The following ELFN1 variants were observed in gnomAD, a reference collection of about 807,000 sequenced individuals.
ELFN1 encodes the protein extracellular leucine rich repeat and fibronectin type III domain containing 1, also known as protein ELFN1.
A neutral mutation model predicts 7.6 loss-of-function variants in ELFN1; 6 were observed. The ratio of observed to expected loss-of-function variants is 0.79; its 90% confidence interval spans 0.43 to 1.56. The LOEUF (loss-of-function observed/expected upper bound fraction) is 1.56, where lower values mean the gene tolerates loss of function less well. ELFN1 is among the 40% of genes most tolerant of loss of function. The pLI is 0.01. For missense variants in ELFN1, 1,169 were observed against 1,232.2 expected, an observed-to-expected ratio of 0.95 and a Z score of 0.77; for synonymous variants, 657 against 588.1, an observed-to-expected ratio of 1.12 and a Z score of -1.70.
At chr7:1,672,732 C>G (rs999860458) in intron 1 of ELFN1, among the ~76,000 whole-genome samples, 1 of 152,080 alleles carries the variant, frequency 6.6e-6, no homozygotes, top group Non-Finnish European at 1.5e-5. Context: ...GGATCCCTTC[C>G]CCCCCGACAA....
At position 1,746,777 on chromosome 7, in the gene ELFN1, C is replaced by T. The variant is rs1274662021; in HGVS notation, c.2181C>T (p.His727=). 5.3e-6 allele frequency: 8 copies of T among 1,518,864 alleles called. No individual in the cohort carries two copies. The highest frequency in any genetic ancestry group is 2.1e-5 in the Admixed American group (1 of 47,760). The allele number at this position is 1,518,864 out of a possible 1,614,324, so 94.1% of individuals were successfully genotyped here. The change falls in exon 4 of 4, where the codon CAC becomes CAT. Residue 727 remains histidine (H), a synonymous_variant. Coordinates refer to ENST00000424383, the MANE Select transcript of ELFN1 (RefSeq NM_001128636.4). ...APPGPPPPPP[H]EGLGRKASIL... is the part of the protein sequence containing the mutation. ...CCGGGCCACCGCCGCCGCCTCCGCA[C>T]GAGGGCCTGGGGCGCAAGGCGTCCA...
intron 2 of ELFN1, among the ~76,000 whole-genome samples, chr7:1,696,519 G>A (rs1296904438): frequency 6.6e-6 from 1 of 151,808 alleles, no homozygotes; most frequent in Non-Finnish European, 1.5e-5. Context: ...AGGTTCCATA[G>A]TAGCTGGGAC....
At chr7:1,669,122 A>C (rs1778713965), upstream of ELFN1, among the ~76,000 whole-genome samples, 2 of 152,262 alleles carry the variant, frequency 1.3e-5, no homozygotes, top group Admixed American at 6.5e-5. Context: ...CAGGCCCTGC[A>C]GCCGGGCTAG....
intron 3 of ELFN1, among the ~76,000 whole-genome samples, chr7:1,742,657 G>A (rs534611261): frequency 4.1e-4 from 62 of 152,316 alleles, no homozygotes; most frequent in African/African-American, 1.4e-3. Context: ...GGTCCTGCCC[G>A]GCTGGGCTTG....
In ELFN1 at chr7:1,705,881, GC is replaced by G. The variant is rs1358650659; in HGVS notation, c.-455-3207del. 6.6e-6 allele frequency among the ~76,000 whole-genome samples: 1 copy of G among 152,200 alleles called. No homozygotes were observed. Among genetic ancestry groups the G allele is most frequent in the Non-Finnish European group, 1.5e-5 (1 of 68,038 alleles). ...TGGGTTCTTAGCTTTGACCCCTCCA[GC>G]CCAGTGGTCTCTGAGGTTCCCCAGC... On this transcript the variant is annotated intron_variant, in intron 2 of 3. Coordinates refer to ENST00000424383, the MANE Select transcript of ELFN1 (RefSeq NM_001128636.4). This position sits in a 1 kb window ranked among gnomAD's most constrained non-coding sequence, Gnocchi z 4.3.
intron 3 of ELFN1, among the ~76,000 whole-genome samples, chr7:1,732,248 C>T (rs1345797591): frequency 3.3e-5 from 5 of 152,226 alleles, no homozygotes; most frequent in Admixed American, 1.3e-4. Flanking sequence ...GAGGGGTTCA[C>T]GTCCCAGGCA....
In ELFN1 at chr7:1,746,711, C is replaced by G. The variant is rs1236359810; in HGVS notation, c.2115C>G (p.His705Gln). 2 of 1,474,680 alleles carry G rather than the reference C, an allele frequency of 1.4e-6. No individual in the cohort carries two copies. The highest frequency in any genetic ancestry group is 4.7e-5 in the Admixed American group (2 of 42,648). 91.3% of individuals were successfully genotyped at this position (1,474,680 alleles called of 1,614,324 possible). ...EKGRQYGEHR[H>Q]SYPGSHPAEP... ...GTCGCCAGTACGGCGAGCACCGGCA[C>G]TCGTACCCCGGCTCCCACCCGGCCG... The change falls in exon 4 of 4, where the codon CAC (histidine) becomes CAG (glutamine). Residue 705 changes from histidine to glutamine, a missense_variant. Coordinates refer to ENST00000424383, the MANE Select transcript of ELFN1 (RefSeq NM_001128636.4).
chr7:1,695,076 G>A lies in ELFN1; in HGVS notation c.-456+6926G>A, dbSNP rs10261172. On this transcript the variant is annotated intron_variant, in intron 2 of 3. Coordinates refer to ENST00000424383, the MANE Select transcript of ELFN1 (RefSeq NM_001128636.4). This position sits in a 1 kb window ranked among gnomAD's most constrained non-coding sequence, Gnocchi z 5.1. ...CCTCACTTTGAGTTACGCTGCAGACGGCTCCGGATGCACGTGGCTGTGCCA... is the reference window on the plus strand; with the variant it reads ...CCTCACTTTGAGTTACGCTGCAGACAGCTCCGGATGCACGTGGCTGTGCCA... 0.019 allele frequency among the ~76,000 whole-genome samples: 2,831 copies of A among 152,190 alleles called. 96 individuals carry two copies. The highest frequency in any genetic ancestry group is 0.065 in the African/African-American group (2,690 of 41,470).
chr7:1,712,501 G>A (rs898366447), intron 3 of ELFN1, among the ~76,000 whole-genome samples: 6 of 151,382 alleles, frequency 4.0e-5, no homozygotes, highest in African/African-American at 1.2e-4. Flanking sequence ...GTGCAATCTC[G>A]GCTCACTGCA....
upstream of ELFN1, among the ~76,000 whole-genome samples, chr7:1,667,923 G>A (rs1778695922): frequency 6.7e-6 from 1 of 149,332 alleles, no homozygotes; most frequent in African/African-American, 2.4e-5. This position sits in a 1 kb window ranked among gnomAD's most constrained non-coding sequence, Gnocchi z 8.2. Flanking sequence ...CCGGGACTCC[G>A]GGGACTCGGT....
At chr7:1,693,346 G>A (rs376658727) in intron 2 of ELFN1, 6 of 463,006 alleles carry the variant, frequency 1.3e-5, no homozygotes, top group East Asian at 7.1e-5. Context: ...CTGGGCAGGC[G>A]TGGGCTTGGA....
At chr7:1,727,836 G>A (rs1465477352) in intron 3 of ELFN1, among the ~76,000 whole-genome samples, 1 of 152,074 alleles carries the variant, frequency 6.6e-6, no homozygotes, top group East Asian at 1.9e-4. Flanking sequence ...TTGAACTCCT[G>A]GATTCAAGCA....
Position 1,745,334 on chromosome 7 carries a change from G to C in ELFN1, c.738G>C (p.Leu246=), listed in dbSNP as rs1298314726. Reference sequence around the variant, plus strand: ...GCCACCGCAGCATCCTCAGCAAACTGCAGTCAGTCTGCACCGAGGACTCGT... The same window carrying C: ...GCCACCGCAGCATCCTCAGCAAACTCCAGTCAGTCTGCACCGAGGACTCGT... ...RRGHRSILSK[L]QSVCTEDSYA... The change falls in exon 4 of 4, where the codon CTG becomes CTC. Residue 246 remains leucine (L), a synonymous_variant. Coordinates refer to ENST00000424383, the MANE Select transcript of ELFN1 (RefSeq NM_001128636.4). 12 of 1,539,732 alleles carry C rather than the reference G, an allele frequency of 7.8e-6. No individual in the cohort carries two copies. Among genetic ancestry groups the C allele is most frequent in the African/African-American group, 1.4e-5 (1 of 73,050 alleles).
At chr7:1,715,523 C>G (rs1779803427) in intron 3 of ELFN1, among the ~76,000 whole-genome samples, 1 of 152,210 alleles carries the variant, frequency 6.6e-6, no homozygotes, top group Non-Finnish European at 1.5e-5. Context: ...TTTCCCCTCC[C>G]CAGCACCTGG....
rs998664621 is a variant in ELFN1, at chr7:1,714,865, G to A, written c.-294+5613G>A. ...CCCACGTGGGGGTCATTTTTCTTAC[G>A]CAAAGACAGCAGCAGTGGAGCTGGT... On this transcript the variant is annotated intron_variant, in intron 3 of 3. Coordinates refer to ENST00000424383, the MANE Select transcript of ELFN1 (RefSeq NM_001128636.4). 1.1e-4 allele frequency among the ~76,000 whole-genome samples: 17 copies of A among 152,322 alleles called. No homozygotes were observed. In the South Asian group the frequency reaches 2.5e-3, roughly 22 times the overall value.
At chr7:1,666,882 G>T (rs1044951884), upstream of ELFN1, among the ~76,000 whole-genome samples, 4 of 151,782 alleles carry the variant, frequency 2.6e-5, no homozygotes, top group South Asian at 2.1e-4. The surrounding 1 kb of genome is among the most constrained non-coding windows in gnomAD (Gnocchi z 7.9). Context: ...CGGTGGCTGG[G>T]CTCTGCCGAC....
At chr7:1,680,811 G>A (rs552536349) in intron 1 of ELFN1, among the ~76,000 whole-genome samples, 6 of 146,692 alleles carry the variant, frequency 4.1e-5, no homozygotes, top group African/African-American at 1.0e-4. Context: ...GTGCGTTCTC[G>A]GCTCACAGCA....
chr7:1,700,898 C>T (rs945186497), intron 2 of ELFN1, among the ~76,000 whole-genome samples: 1 of 152,210 alleles, frequency 6.6e-6, no homozygotes, highest in African/African-American at 2.4e-5. Context: ...TGGATGCCCT[C>T]ATTTGTGAAA....
At chr7:1,734,236 A>G (rs529242516) in intron 3 of ELFN1, among the ~76,000 whole-genome samples, 1 of 152,002 alleles carries the variant, frequency 6.6e-6, no homozygotes. Flanking sequence ...TGGGAGGGGG[A>G]CCAGTGTTCC....
Sources: gnomAD v4.1 joint callset for allele counts (sites outside exome capture counted in the v4.1 genomes callset) on GRCh38, gnomAD v4.1.1 for gene constraint, Gnocchi (gnomAD v3.1) non-coding constraint, MANE v1.5 for transcripts, NCBI Gene and HGNC (gene_info 2026-07-23, HGNC 2026-07-21) for gene names.